MAP4K3: variants seen among roughly 807,000 people sequenced by gnomAD.
MAP4K3 encodes the protein mitogen-activated protein kinase kinase kinase kinase 3, also known as MAPK/ERK kinase kinase kinase 3.
MAP4K3 carries 94 observed loss-of-function variants against 143.5 expected under a neutral mutation model. That is an observed-to-expected ratio of 0.65 (90% CI 0.55 to 0.78). The LOEUF (loss-of-function observed/expected upper bound fraction) is 0.78. Among genes scored for constraint, MAP4K3 ranks in the 30% least tolerant of loss-of-function variants. MAP4K3 has a pLI of 0.00. For missense variants in MAP4K3, 1,077 were observed against 1,068.1 expected (o/e 1.01, Z -0.12); for synonymous variants, 416 against 347.2 (o/e 1.20, Z -2.20).
At chr2:39,285,930 C>T (rs1031247681) in intron 21 of MAP4K3, among the ~76,000 whole-genome samples, 2 of 152,100 alleles carry the variant, frequency 1.3e-5, no homozygotes, top group Admixed American at 1.3e-4. Flanking sequence ...CTTATGATCC[C>T]TGATGAATAA....
chr2:39,362,036 T>C (rs867032459), intron 2 of MAP4K3, among the ~76,000 whole-genome samples: 11 of 152,168 alleles, frequency 7.2e-5, no homozygotes, highest in Non-Finnish European at 7.4e-5. Flanking sequence ...TATGAATTAA[T>C]AACTGTATTA....
intron 31 of MAP4K3, among the ~76,000 whole-genome samples, 166 bp downstream of exon 31, chr2:39,258,182 T>C (rs760333494): frequency 4.6e-5 from 7 of 152,206 alleles, no homozygotes; most frequent in Non-Finnish European, 7.4e-5. Context: ...TCCACCCACC[T>C]TGGCCTCCCA....
chr2:39,320,809 C>T lies in MAP4K3; in HGVS notation c.918+4709G>A, dbSNP rs535927138. On this transcript the variant is annotated intron_variant, in intron 12 of 33. Transcript: ENST00000263881. ...AATAGCTTCCTCTGTGGGTGAAATG[C>T]TACCTTTGAAGCTATTGTATTACCT... Among the ~76,000 whole-genome samples, 16 of 152,248 alleles carry T rather than the reference C, an allele frequency of 1.1e-4. No homozygotes were observed. In the East Asian group the frequency reaches 2.9e-3, roughly 28 times the overall value.
At chr2:39,332,586 T>C (rs922211922) in intron 7 of MAP4K3, among the ~76,000 whole-genome samples, 1 of 152,076 alleles carries the variant, frequency 6.6e-6, no homozygotes, top group Non-Finnish European at 1.5e-5. Context: ...TTACTAATGA[T>C]GACTTCTAAA....
intron 15 of MAP4K3, among the ~76,000 whole-genome samples, chr2:39,304,951 C>T (rs1015111062): frequency 3.9e-5 from 6 of 152,154 alleles, no homozygotes; most frequent in Non-Finnish European, 7.3e-5. Flanking sequence ...AGTAGTGAGC[C>T]AGCCACAAAA....
chr2:39,402,964 A>G (rs1471437420), intron 1 of MAP4K3, among the ~76,000 whole-genome samples: 1 of 152,200 alleles, frequency 6.6e-6, no homozygotes, highest in Non-Finnish European at 1.5e-5. Flanking sequence ...AAATGAATAC[A>G]TTCTTTGAAA....
intron 1 of MAP4K3, among the ~76,000 whole-genome samples, chr2:39,399,971 G>A (rs1166570462): frequency 6.6e-6 from 1 of 152,086 alleles, no homozygotes; most frequent in East Asian, 1.9e-4. Context: ...AGAAAAACAA[G>A]TTGGTAAGTT....
At chr2:39,368,866 G>A (rs914257683) in intron 2 of MAP4K3, among the ~76,000 whole-genome samples, 4 of 152,066 alleles carry the variant, frequency 2.6e-5, no homozygotes, top group Non-Finnish European at 5.9e-5. Context: ...ATGAAAATGA[G>A]TTTCTAAAAT....
intron 15 of MAP4K3, among the ~76,000 whole-genome samples, chr2:39,304,424 A>G (rs1467094310): frequency 6.6e-6 from 1 of 152,250 alleles, no homozygotes; most frequent in Non-Finnish European, 1.5e-5. Flanking sequence ...GCCAGCCACA[A>G]GCATTTGTAA....
chr2:39,272,194 C>G, intron 26 of MAP4K3, 89 bp downstream of exon 26: 1 of 982,748 alleles, frequency 1.0e-6, no homozygotes, highest in Non-Finnish European at 1.6e-6. Flanking sequence ...TTTATTAACC[C>G]AAACTGAGTG....
chr2:39,284,531 G>C (rs575541306), intron 21 of MAP4K3, among the ~76,000 whole-genome samples: 368 of 151,864 alleles, frequency 2.4e-3, no homozygotes, highest in African/African-American at 8.5e-3. Context: ...AGCACTAATA[G>C]AACTGGTTGT....
At chr2:39,260,140 A>T (rs1680507100) in intron 29 of MAP4K3, among the ~76,000 whole-genome samples, 1 of 152,098 alleles carries the variant, frequency 6.6e-6, no homozygotes, top group Admixed American at 6.6e-5. Flanking sequence ...TAGAGACAGG[A>T]TCTCATTCTG....
intron 1 of MAP4K3, among the ~76,000 whole-genome samples, chr2:39,418,757 A>G (rs564449757): frequency 2.6e-4 from 40 of 152,322 alleles, no homozygotes; most frequent in Non-Finnish European, 5.0e-4. Flanking sequence ...CCTTAAATTT[A>G]GAAACACTCT....
chr2:39,376,011 G>A (rs1666207859), intron 2 of MAP4K3, among the ~76,000 whole-genome samples: 1 of 152,190 alleles, frequency 6.6e-6, no homozygotes, highest in Non-Finnish European at 1.5e-5. Context: ...GAGACATACT[G>A]TGAATAATGC....
At chr2:39,283,153 C>T (rs1415721444) in intron 21 of MAP4K3, among the ~76,000 whole-genome samples, 1 of 152,028 alleles carries the variant, frequency 6.6e-6, no homozygotes, top group Non-Finnish European at 1.5e-5. Flanking sequence ...AGAAGTATAC[C>T]GCAGTATGGG....
intron 1 of MAP4K3, among the ~76,000 whole-genome samples, chr2:39,407,306 C>T (rs1161113747): frequency 7.3e-6 from 1 of 137,606 alleles, no homozygotes; most frequent in African/African-American, 2.7e-5. Flanking sequence ...AGAGCAGGAA[C>T]AAGGGAAGAA....
At chr2:39,290,261 A>G (rs1681983443) in intron 19 of MAP4K3, 31 bp downstream of exon 19, 1 of 1,561,584 alleles carries the variant, frequency 6.4e-7, no homozygotes, top group Non-Finnish European at 8.7e-7. Flanking sequence ...AATAACACAC[A>G]TATATCAAAT....
chr2:39,345,080 T>A (rs1573178590), intron 3 of MAP4K3, among the ~76,000 whole-genome samples: 1 of 152,126 alleles, frequency 6.6e-6, no homozygotes, highest in African/African-American at 2.4e-5. Context: ...CATTAAAAAG[T>A]GGAGATGCTG....
chr2:39,430,738 A>C, intron 1 of MAP4K3, among the ~76,000 whole-genome samples: 1 of 152,198 alleles, frequency 6.6e-6, no homozygotes, highest in East Asian at 1.9e-4. Context: ...TGCATATAAC[A>C]ATTATGAACA....
Sources: gnomAD v4.1 joint callset for allele counts (sites outside exome capture counted in the v4.1 genomes callset) on GRCh38, gnomAD v4.1.1 for gene constraint, MANE v1.5 for transcripts, NCBI Gene and HGNC (gene_info 2026-07-23, HGNC 2026-07-21) for gene names.